Variants in DRC11 observed in about 807,000 individuals in gnomAD.
The protein encoded by DRC11 is dynein regulatory complex subunit 11.
the DRC11 span, chr2:236,399,359 G>T: frequency 7.2e-7 from 1 of 1,389,992 alleles, no homozygotes; most frequent in Non-Finnish European, 1.0e-6. This position sits in a 1 kb window ranked among gnomAD's most constrained non-coding sequence, Gnocchi z 7.0. Flanking sequence ...CCCGTGATGG[G>T]GTTCCCAGCA....
the DRC11 span, among the ~76,000 whole-genome samples, chr2:236,447,012 T>C: frequency 2.6e-5 from 4 of 151,550 alleles, no homozygotes; most frequent in East Asian, 3.9e-4. The surrounding 1 kb of genome is among the most constrained non-coding windows in gnomAD (Gnocchi z 4.6). Context: ...CCCGTAGATC[T>C]GCAGGATGCT....
chr2:236,334,581 T>C, the DRC11 span, among the ~76,000 whole-genome samples: 1 of 152,172 alleles, frequency 6.6e-6, no homozygotes, highest in African/African-American at 2.4e-5. This position sits in a 1 kb window ranked among gnomAD's most constrained non-coding sequence, Gnocchi z 7.8. Flanking sequence ...ATCTACATTC[T>C]CTTTCCCTTC....
At chr2:236,479,413 T>A in the DRC11 span, among the ~76,000 whole-genome samples, 1 of 152,228 alleles carries the variant, frequency 6.6e-6, no homozygotes, top group African/African-American at 2.4e-5. This position sits in a 1 kb window ranked among gnomAD's most constrained non-coding sequence, Gnocchi z 4.1. Flanking sequence ...TTGTAATTTC[T>A]TCCTTTCTTA....
At chr2:236,334,082 A>T in the DRC11 span, among the ~76,000 whole-genome samples, 3 of 152,230 alleles carry the variant, frequency 2.0e-5, no homozygotes, top group African/African-American at 7.2e-5. This position sits in a 1 kb window ranked among gnomAD's most constrained non-coding sequence, Gnocchi z 7.8. Flanking sequence ...GCAGCAAGAG[A>T]GCTCTGTGAG....
At chr2:236,436,759 G>A in the DRC11 span, among the ~76,000 whole-genome samples, 1 of 152,064 alleles carries the variant, frequency 6.6e-6, no homozygotes, top group South Asian at 2.1e-4. Context: ...AGAATTAAAT[G>A]AGTTGACTTA....
At chr2:236,450,314 C>CTTTTTTTTTTTTTTT in the DRC11 span, among the ~76,000 whole-genome samples, 3 of 82,380 alleles carry the variant, frequency 3.6e-5, no homozygotes, top group Non-Finnish European at 7.0e-5. Flanking sequence ...CTTTTCTTTT[C>CTTTTTTTTTTTTTTT]TTTTTTTTTT....
At chr2:236,335,654 T>C in the DRC11 span, among the ~76,000 whole-genome samples, 2 of 152,142 alleles carry the variant, frequency 1.3e-5, no homozygotes, top group Admixed American at 1.3e-4. The surrounding 1 kb of genome is among the most constrained non-coding windows in gnomAD (Gnocchi z 5.6). Context: ...TGTCAAACAA[T>C]AGAAACCATT....
chr2:236,344,060 G>C, the DRC11 span, among the ~76,000 whole-genome samples: 1 of 151,788 alleles, frequency 6.6e-6, no homozygotes, highest in African/African-American at 2.4e-5. Flanking sequence ...GGTGATTTGT[G>C]GGGGGAAGTG....
the DRC11 span, among the ~76,000 whole-genome samples, chr2:236,381,508 C>G: frequency 1.3e-4 from 20 of 152,250 alleles, no homozygotes; most frequent in East Asian, 3.3e-3. The surrounding 1 kb of genome is among the most constrained non-coding windows in gnomAD (Gnocchi z 5.8). Context: ...CTATTAATTT[C>G]TGTTGTTTAT....
At chr2:236,311,697 C>CGTGCGT in the DRC11 span, among the ~76,000 whole-genome samples, 624 of 138,796 alleles carry the variant, frequency 4.5e-3, 3 homozygotes, top group African/African-American at 0.014. The surrounding 1 kb of genome is among the most constrained non-coding windows in gnomAD (Gnocchi z 6.9). Context: ...GGATGGGGTG[C>CGTGCGT]GTGTGTGTGT....
chr2:236,411,226 G>T, the DRC11 span, among the ~76,000 whole-genome samples: 1 of 152,180 alleles, frequency 6.6e-6, no homozygotes, highest in South Asian at 2.1e-4. Context: ...CCATCAAAAA[G>T]TCGGTGAAGG....
the DRC11 span, chr2:236,368,357 G>T: frequency 9.5e-7 from 1 of 1,051,514 alleles, no homozygotes; most frequent in Non-Finnish European, 1.4e-6. Context: ...GGTCTGAGCT[G>T]CATAATTTTG....
the DRC11 span, chr2:236,493,990 T>C: frequency 1.4e-4 from 137 of 945,340 alleles, no homozygotes; most frequent in African/African-American, 1.9e-3. Flanking sequence ...AGACGCTTGC[T>C]TTACTTCCCA....
the DRC11 span, among the ~76,000 whole-genome samples, chr2:236,429,129 C>A: frequency 2.6e-5 from 4 of 152,256 alleles, no homozygotes; most frequent in South Asian, 2.1e-4. The surrounding 1 kb of genome is among the most constrained non-coding windows in gnomAD (Gnocchi z 5.9). Context: ...ATGCTGGGGG[C>A]ACTGTAGCAT....
the DRC11 span, among the ~76,000 whole-genome samples, chr2:236,306,943 C>A: frequency 3.3e-5 from 5 of 151,980 alleles, no homozygotes; most frequent in East Asian, 9.8e-4. This position sits in a 1 kb window ranked among gnomAD's most constrained non-coding sequence, Gnocchi z 5.9. Context: ...ACTGTATAAT[C>A]CTCTCCCGTT....
chr2:236,333,431 T>C, the DRC11 span: 1 of 153,476 alleles, frequency 6.5e-6, no homozygotes, highest in African/African-American at 2.4e-5. The surrounding 1 kb of genome is among the most constrained non-coding windows in gnomAD (Gnocchi z 6.0). Flanking sequence ...ACATCTTCAC[T>C]TGAGATCTGG....
the DRC11 span, among the ~76,000 whole-genome samples, chr2:236,325,177 G>A: frequency 2.6e-5 from 4 of 152,274 alleles, no homozygotes; most frequent in Admixed American, 6.5e-5. This position sits in a 1 kb window ranked among gnomAD's most constrained non-coding sequence, Gnocchi z 4.4. Context: ...CTCTGGGGGA[G>A]TTGCTGTTGA....
chr2:236,391,551 G>T, the DRC11 span: 3 of 178,760 alleles, frequency 1.7e-5, no homozygotes, highest in Admixed American at 5.7e-5. This position sits in a 1 kb window ranked among gnomAD's most constrained non-coding sequence, Gnocchi z 4.5. Flanking sequence ...TGGATTGGTG[G>T]CAACTTACAC....
the DRC11 span, among the ~76,000 whole-genome samples, chr2:236,470,459 A>C: frequency 6.6e-6 from 1 of 152,146 alleles, no homozygotes; most frequent in African/African-American, 2.4e-5. This position sits in a 1 kb window ranked among gnomAD's most constrained non-coding sequence, Gnocchi z 5.1. Flanking sequence ...ATTAGGAAGC[A>C]CTTAGAGGCG....
Sources: gnomAD v4.1 joint callset for allele counts (sites outside exome capture counted in the v4.1 genomes callset) on GRCh38, gnomAD v4.1.1 for gene constraint, Gnocchi (gnomAD v3.1) non-coding constraint, MANE v1.5 for transcripts, NCBI Gene and HGNC (gene_info 2026-07-23, HGNC 2026-07-21) for gene names.